Variants in WWOX observed in about 807,000 individuals in gnomAD.
WWOX encodes the protein WW domain containing oxidoreductase.
Under a neutral mutation model 46.2 loss-of-function variants are expected in WWOX, and 69 were observed. The ratio of observed to expected loss-of-function variants is 1.49; its 90% confidence interval spans 1.23 to 1.82. The LOEUF (loss-of-function observed/expected upper bound fraction) is 1.82, where lower values mean the gene tolerates loss of function less well. WWOX is among the 40% of genes most tolerant of loss of function. The pLI is 0.00. For missense variants in WWOX, 919 were observed against 542.6 expected (o/e 1.69, Z -6.89); for synonymous variants, 359 against 202.6 (o/e 1.77, Z -6.56).
chr16:78,487,402 C>A (rs375752987), intron 8 of WWOX, among the ~76,000 whole-genome samples: 18 of 152,134 alleles, frequency 1.2e-4, no homozygotes, highest in African/African-American at 4.1e-4. Context: ...CTAATGAGAT[C>A]TATTAAGGAT....
chr16:79,055,359 G>T (rs1348161211), intron 8 of WWOX, among the ~76,000 whole-genome samples: 1 of 152,080 alleles, frequency 6.6e-6, no homozygotes. Flanking sequence ...ATCTTCCCTT[G>T]TATCTAGGCT....
chr16:78,265,443 G>A (rs536087606), intron 5 of WWOX, among the ~76,000 whole-genome samples: 4 of 152,256 alleles, frequency 2.6e-5, no homozygotes, highest in South Asian at 4.1e-4. Context: ...CACTTTGGGA[G>A]GCTGAGGCAG....
chr16:78,468,543 T>A (rs1255303684), intron 8 of WWOX, among the ~76,000 whole-genome samples: 1 of 152,098 alleles, frequency 6.6e-6, no homozygotes, highest in Non-Finnish European at 1.5e-5. Context: ...TTAGAAGAGA[T>A]TTCAGGCCTT....
intron 8 of WWOX, among the ~76,000 whole-genome samples, chr16:78,715,349 C>T (rs1481508001): frequency 6.6e-6 from 1 of 152,150 alleles, no homozygotes; most frequent in Non-Finnish European, 1.5e-5. Flanking sequence ...GTTCTTCATC[C>T]CCAGCTTTGT....
At chr16:78,679,671 G>T (rs970189353) in intron 8 of WWOX, among the ~76,000 whole-genome samples, 12 of 152,226 alleles carry the variant, frequency 7.9e-5, no homozygotes, top group African/African-American at 2.9e-4. Flanking sequence ...GCCAGGAGAA[G>T]TATTGTTTTC....
At chr16:79,116,247 A>G (rs1169647258) in intron 8 of WWOX, among the ~76,000 whole-genome samples, 1 of 152,176 alleles carries the variant, frequency 6.6e-6, no homozygotes, top group East Asian at 1.9e-4. Flanking sequence ...TTCTTAAAAT[A>G]AGACAAGGAT....
intron 8 of WWOX, among the ~76,000 whole-genome samples, chr16:79,137,282 G>A (rs2150708275): frequency 6.6e-6 from 1 of 152,264 alleles, no homozygotes; most frequent in African/African-American, 2.4e-5. Context: ...AGAAAATGAT[G>A]GTATCACATG....
intron 8 of WWOX, among the ~76,000 whole-genome samples, chr16:79,145,934 A>T (rs1217260810): frequency 1.3e-5 from 2 of 152,208 alleles, no homozygotes; most frequent in Non-Finnish European, 2.9e-5. Context: ...GAATTTTTTG[A>T]AAGTCACCCA....
chr16:78,270,447 C>A (rs12929555), intron 5 of WWOX: 1 of 152,214 alleles, frequency 6.6e-6, no homozygotes, highest in East Asian at 1.9e-4. Flanking sequence ...GTTGGGGTTT[C>A]TAAGCTTGGG....
At chr16:78,800,685 G>A (rs755094790) in intron 8 of WWOX, among the ~76,000 whole-genome samples, 1 of 152,228 alleles carries the variant, frequency 6.6e-6, no homozygotes, top group Non-Finnish European at 1.5e-5. Flanking sequence ...AAACATTTTA[G>A]GGGGTTCCTG....
intron 8 of WWOX, among the ~76,000 whole-genome samples, chr16:78,868,654 T>C (rs900632079): frequency 6.6e-6 from 1 of 152,210 alleles, no homozygotes; most frequent in Non-Finnish European, 1.5e-5. Context: ...TGTTACTATC[T>C]GTCCAACAGT....
chr16:79,024,813 C>G (rs193031548), intron 8 of WWOX, among the ~76,000 whole-genome samples: 1 of 152,022 alleles, frequency 6.6e-6, no homozygotes, highest in South Asian at 2.1e-4. Context: ...CTCAAGCAAT[C>G]CTCTCCTCTG....
intron 8 of WWOX, among the ~76,000 whole-genome samples, chr16:79,112,990 A>G (rs957797035): frequency 6.6e-6 from 1 of 152,208 alleles, no homozygotes; most frequent in Non-Finnish European, 1.5e-5. Context: ...GCTCATCTTC[A>G]TGATCTAGCA....
chr16:78,222,397 G>A (rs933466692), intron 5 of WWOX, among the ~76,000 whole-genome samples: 2 of 151,806 alleles, frequency 1.3e-5, no homozygotes, highest in Non-Finnish European at 2.9e-5. Context: ...ACAGAACTTG[G>A]GACAACCTGT....
At chr16:78,663,173 T>C (rs1162744945) in intron 8 of WWOX, among the ~76,000 whole-genome samples, 1 of 152,172 alleles carries the variant, frequency 6.6e-6, no homozygotes, top group South Asian at 2.1e-4. Context: ...ATACCCCCGA[T>C]CTCTTGACAA....
At chr16:78,125,829 C>T (rs544594918) in intron 4 of WWOX, among the ~76,000 whole-genome samples, 11 of 152,090 alleles carry the variant, frequency 7.2e-5, no homozygotes, top group Middle Eastern at 3.4e-3. Flanking sequence ...CTGTATATGC[C>T]AGGTGTTAGG....
chr16:78,637,099 G>T (rs2046590488), intron 8 of WWOX, among the ~76,000 whole-genome samples: 1 of 152,156 alleles, frequency 6.6e-6, no homozygotes, highest in African/African-American at 2.4e-5. Flanking sequence ...TGCATGCAAT[G>T]CCCATCACAC....
At chr16:79,012,876 GAAGA>G (rs980840276) in intron 8 of WWOX, among the ~76,000 whole-genome samples, 5 of 152,198 alleles carry the variant, frequency 3.3e-5, no homozygotes, top group African/African-American at 1.2e-4. Context: ...AAGCCTGGCT[GAAGA>G]AAGGCATCAC....
intron 5 of WWOX, among the ~76,000 whole-genome samples, chr16:78,317,082 T>C (rs999345419): frequency 6.6e-6 from 1 of 152,124 alleles, no homozygotes; most frequent in African/African-American, 2.4e-5. Context: ...AAGGGATCCA[T>C]TGGCCCAGGA....
Sources: allele counts gnomAD v4.1 joint callset (sites outside exome capture counted in the v4.1 genomes callset), GRCh38; gene constraint gnomAD v4.1.1; transcripts MANE v1.5; gene names NCBI Gene and HGNC (gene_info 2026-07-23, HGNC 2026-07-21).